Variants in FOXP2 observed in about 807,000 individuals in gnomAD.
The protein encoded by FOXP2 is forkhead box protein P2.
Under a neutral mutation model 115.8 loss-of-function variants are expected in FOXP2, and 12 were observed. The ratio of observed to expected loss-of-function variants is 0.10; its 90% CI spans 0.07 to 0.17. The LOEUF (loss-of-function observed/expected upper bound fraction) is 0.17, where lower values mean the gene tolerates loss of function less well. Among genes scored for constraint, FOXP2 ranks in the 10% least tolerant of loss-of-function variants. The pLI is 1.00. For missense variants in FOXP2, 629 were observed against 843.5 expected, an observed-to-expected ratio of 0.75 and a Z score of 3.15; for synonymous variants, 328 against 297.7, an observed-to-expected ratio of 1.10 and a Z score of -1.05.
chr7:114,139,448 T>C (rs1406166212), intron 1 of FOXP2, among the ~76,000 whole-genome samples: 5 of 152,124 alleles, frequency 3.3e-5, no homozygotes, highest in Admixed American at 3.3e-4. Context: ...TTACATGAGG[T>C]TGGAAAGTTT....
At chr7:114,671,180 G>A (rs2129345474) in intron 16 of FOXP2, among the ~76,000 whole-genome samples, 1 of 152,102 alleles carries the variant, frequency 6.6e-6, no homozygotes, top group South Asian at 2.1e-4. Context: ...GATTATGCCA[G>A]CTCTTTATCA....
intron 2 of FOXP2, among the ~76,000 whole-genome samples, chr7:114,532,312 CA>C (rs905320895): frequency 1.3e-5 from 2 of 151,776 alleles, no homozygotes; most frequent in East Asian, 1.9e-4. Context: ...AGATTCAAAA[CA>C]AAAAGGTTAT....
chr7:114,357,171 C>G (rs528171160), intron 2 of FOXP2, among the ~76,000 whole-genome samples: 54 of 152,204 alleles, frequency 3.5e-4, no homozygotes, highest in African/African-American at 1.3e-3. Flanking sequence ...GATAGACTCT[C>G]ATTTGCTGGG....
At chr7:114,177,940 C>G (rs1197244645) in intron 1 of FOXP2, among the ~76,000 whole-genome samples, 1 of 151,852 alleles carries the variant, frequency 6.6e-6, no homozygotes, top group South Asian at 2.1e-4. Flanking sequence ...GTCTTTTAAC[C>G]AACATCTCCC....
chr7:114,502,164 A>C (rs1270571422), intron 2 of FOXP2, among the ~76,000 whole-genome samples: 2 of 152,052 alleles, frequency 1.3e-5, no homozygotes, highest in Non-Finnish European at 2.9e-5. Context: ...AAATATTGTA[A>C]ATTTTTTTGG....
intron 2 of FOXP2, among the ~76,000 whole-genome samples, chr7:114,298,828 A>G (rs910790381): frequency 3.3e-5 from 5 of 152,204 alleles, no homozygotes; most frequent in Non-Finnish European, 5.9e-5. Flanking sequence ...AAATTTTTGG[A>G]AGCCAACATA....
At chr7:114,253,601 A>C (rs1795514832) in intron 1 of FOXP2, among the ~76,000 whole-genome samples, 1 of 152,088 alleles carries the variant, frequency 6.6e-6, no homozygotes, top group Admixed American at 6.5e-5. Flanking sequence ...TTTATCAGAG[A>C]CTAGGATTGC....
chr7:114,334,911 TA>T (rs1797805277), intron 2 of FOXP2, among the ~76,000 whole-genome samples: 1 of 137,476 alleles, frequency 7.3e-6, no homozygotes, highest in Non-Finnish European at 1.5e-5. Context: ...TGTATATATA[TA>T]TTTTATATAT....
intron 1 of FOXP2, among the ~76,000 whole-genome samples, chr7:114,278,978 G>A (rs1488680881): frequency 6.6e-6 from 1 of 152,036 alleles, no homozygotes; most frequent in African/African-American, 2.4e-5. Context: ...TTTATTTTAT[G>A]AAAAATAAAT....
chr7:114,112,488 G>A (rs1015871870), intron 1 of FOXP2, among the ~76,000 whole-genome samples: 90 of 152,002 alleles, frequency 5.9e-4, no homozygotes, highest in African/African-American at 2.0e-3. Flanking sequence ...TTGTAGAGAT[G>A]GGGTTTCACC....
chr7:114,145,431 T>TTTTTCTTTTCTCTTTTC (rs1792338150), intron 1 of FOXP2, among the ~76,000 whole-genome samples: 1 of 100,446 alleles, frequency 1.0e-5, no homozygotes, highest in Non-Finnish European at 2.2e-5. Flanking sequence ...GCTTTGCCAT[T>TTTTTCTTTTCTCTTTTC]TTTTCTTTTC....
intron 2 of FOXP2, among the ~76,000 whole-genome samples, chr7:114,400,729 C>T (rs545475197): frequency 3.3e-5 from 5 of 152,246 alleles, no homozygotes; most frequent in African/African-American, 7.2e-5. Flanking sequence ...ATAGGGTTCA[C>T]GTTCCTATGA....
chr7:114,439,080 T>C (rs1794481987), intron 2 of FOXP2, among the ~76,000 whole-genome samples: 1 of 152,198 alleles, frequency 6.6e-6, no homozygotes, highest in African/African-American at 2.4e-5. Flanking sequence ...TAATTTAGTT[T>C]ATTACTTATG....
chr7:114,297,357 G>T, intron 2 of FOXP2: 2 of 705,212 alleles, frequency 2.8e-6, no homozygotes, highest in Non-Finnish European at 4.8e-6. Context: ...GCTGTGCCTG[G>T]GCTTGCTCAC....
chr7:114,577,064 AT>A (rs145490626), intron 3 of FOXP2, among the ~76,000 whole-genome samples: 12,841 of 151,932 alleles, frequency 0.085, 612 homozygotes, highest in Middle Eastern at 0.16. Flanking sequence ...CATGTTTTAG[AT>A]TTGTAATTTT....
upstream of FOXP2, among the ~76,000 whole-genome samples, chr7:114,412,952 A>G (rs778964700): frequency 2.8e-4 from 42 of 152,160 alleles, no homozygotes; most frequent in Non-Finnish European, 4.9e-4. Context: ...GAATTTACAT[A>G]TTTATAACAA....
intron 2 of FOXP2, among the ~76,000 whole-genome samples, chr7:114,478,668 G>A (rs1234565953): frequency 6.6e-6 from 1 of 151,730 alleles, no homozygotes; most frequent in African/African-American, 2.4e-5. Context: ...AGAGAGTTCT[G>A]CTTAATATGG....
At chr7:114,362,405 A>G (rs1459095814) in intron 2 of FOXP2, among the ~76,000 whole-genome samples, 2 of 151,844 alleles carry the variant, frequency 1.3e-5, no homozygotes, top group African/African-American at 4.8e-5. Flanking sequence ...CAGTTGGTAG[A>G]AAAAAAACAA....
chr7:114,673,457 C>A (rs896320634), intron 16 of FOXP2, among the ~76,000 whole-genome samples: 2 of 152,136 alleles, frequency 1.3e-5, no homozygotes, highest in Non-Finnish European at 2.9e-5. Flanking sequence ...TGAAGAATTA[C>A]ATTGTGTTTT....
Sources: gnomAD v4.1 joint callset for allele counts (sites outside exome capture counted in the v4.1 genomes callset) on GRCh38, gnomAD v4.1.1 for gene constraint, MANE v1.5 for transcripts, NCBI Gene and HGNC (gene_info 2026-07-23, HGNC 2026-07-21) for gene names.